MAPK10: variants seen among roughly 807,000 people sequenced by gnomAD.
MAPK10 encodes the protein JNK3 alpha protein kinase.
MAPK10 carries 25 observed loss-of-function variants against 59.3 expected under a neutral mutation model. The observed-to-expected ratio is 0.42, with a 90% CI of 0.31 to 0.59. The LOEUF (loss-of-function observed/expected upper bound fraction) is 0.59. MAPK10 is among the 20% of genes least tolerant of loss of function. MAPK10 has a pLI of 0.15. For missense variants in MAPK10, 351 were observed against 568.9 expected (o/e 0.62, Z 3.90); for synonymous variants, 190 against 200.5 (o/e 0.95, Z 0.44).
At chr4:86,186,492 T>G (rs148831526) in intron 3 of MAPK10, among the ~76,000 whole-genome samples, 4,600 of 152,274 alleles carry the variant, frequency 0.03, 93 homozygotes, top group South Asian at 0.041. Context: ...CAATGTTTTG[T>G]TTCCTTTTAT....
At chr4:86,348,078 A>T (rs1027082205) in intron 2 of MAPK10, among the ~76,000 whole-genome samples, 1 of 152,160 alleles carries the variant, frequency 6.6e-6, no homozygotes, top group Non-Finnish European at 1.5e-5. Flanking sequence ...CAAATCTGTT[A>T]TGCTAATTTC....
intron 1 of MAPK10, among the ~76,000 whole-genome samples, chr4:86,552,932 G>T (rs1373338630): frequency 6.6e-6 from 1 of 152,116 alleles, no homozygotes; most frequent in East Asian, 1.9e-4. Context: ...CATGAGACTT[G>T]TAGGGGCATG....
At chr4:86,425,771 G>T (rs181036534) in intron 1 of MAPK10, among the ~76,000 whole-genome samples, 1 of 152,202 alleles carries the variant, frequency 6.6e-6, no homozygotes. Context: ...CCAGGAGTTC[G>T]AGAGCAGCCT....
intron 1 of MAPK10, among the ~76,000 whole-genome samples, chr4:86,496,465 G>T (rs955782885): frequency 6.6e-6 from 1 of 152,034 alleles, no homozygotes; most frequent in African/African-American, 2.4e-5. Flanking sequence ...TTTTGTATTT[G>T]GAATCTGCCT....
At chr4:86,399,044 T>G (rs1743342571) in intron 1 of MAPK10, among the ~76,000 whole-genome samples, 1 of 152,228 alleles carries the variant, frequency 6.6e-6, no homozygotes, top group Admixed American at 6.5e-5. Flanking sequence ...TTTGCTATTG[T>G]GGATACTGCT....
intron 2 of MAPK10, among the ~76,000 whole-genome samples, chr4:86,319,399 C>T (rs1271849795): frequency 6.6e-6 from 1 of 152,154 alleles, no homozygotes; most frequent in Non-Finnish European, 1.5e-5. Context: ...TTCTCCATTT[C>T]AGAAAATTCA....
At chr4:86,583,528 T>C (rs1021269942) in intron 1 of MAPK10, among the ~76,000 whole-genome samples, 2 of 152,210 alleles carry the variant, frequency 1.3e-5, no homozygotes, top group Non-Finnish European at 2.9e-5. Flanking sequence ...TTTTCCATCA[T>C]TCTTTTTCGG....
At chr4:86,070,457 T>C (rs922911046) in intron 9 of MAPK10, among the ~76,000 whole-genome samples, 1 of 151,490 alleles carries the variant, frequency 6.6e-6, no homozygotes, top group African/African-American at 2.4e-5. Context: ...TAGTTACATA[T>C]GTATACATGT....
At chr4:86,523,552 C>T (rs190645096) in intron 1 of MAPK10, among the ~76,000 whole-genome samples, 39 of 152,332 alleles carry the variant, frequency 2.6e-4, no homozygotes, top group African/African-American at 6.3e-4. Flanking sequence ...CTGTTATACT[C>T]GGATTTACAT....
chr4:86,171,182 A>T (rs1004940056), intron 3 of MAPK10: 1 of 151,776 alleles, frequency 6.6e-6, no homozygotes, highest in Non-Finnish European at 1.5e-5. Context: ...AGCAAGAGCA[A>T]ACACATTCAA....
At chr4:86,535,449 C>G (rs374436639) in intron 1 of MAPK10, among the ~76,000 whole-genome samples, 5 of 152,244 alleles carry the variant, frequency 3.3e-5, no homozygotes, top group Admixed American at 2.0e-4. Context: ...TCTGTCATCC[C>G]AGCTGGACTG....
At chr4:86,366,391 A>T (rs1256235369) in intron 1 of MAPK10, among the ~76,000 whole-genome samples, 1 of 152,178 alleles carries the variant, frequency 6.6e-6, no homozygotes, top group South Asian at 2.1e-4. Flanking sequence ...TGTGCATTTC[A>T]CTCTATGTAA....
chr4:86,480,048 T>C (rs1348400903), intron 1 of MAPK10, among the ~76,000 whole-genome samples: 2 of 152,122 alleles, frequency 1.3e-5, no homozygotes, highest in Non-Finnish European at 2.9e-5. Flanking sequence ...TTCTTACTAA[T>C]ATAAGAAGAC....
At chr4:86,433,857 A>G (rs889131754) in intron 1 of MAPK10, among the ~76,000 whole-genome samples, 2 of 152,168 alleles carry the variant, frequency 1.3e-5, no homozygotes, top group Non-Finnish European at 2.9e-5. Flanking sequence ...TGAATGAGCC[A>G]TGAAATCAAT....
intron 1 of MAPK10, among the ~76,000 whole-genome samples, chr4:86,391,656 T>A (rs1742201574): frequency 6.6e-6 from 1 of 152,158 alleles, no homozygotes; most frequent in Non-Finnish European, 1.5e-5. Context: ...GGACATGAAA[T>A]TCCTGCATTG....
intron 1 of MAPK10, among the ~76,000 whole-genome samples, chr4:86,522,740 C>T (rs1757208879): frequency 6.6e-6 from 1 of 152,294 alleles, no homozygotes; most frequent in South Asian, 2.1e-4. Flanking sequence ...TGAGAAGCTA[C>T]ACATAGATCC....
chr4:86,491,436 C>A (rs1041772876), intron 1 of MAPK10, among the ~76,000 whole-genome samples: 1 of 152,192 alleles, frequency 6.6e-6, no homozygotes, highest in Non-Finnish European at 1.5e-5. Context: ...ATGACCCCAA[C>A]CCCAGTTCTG....
intron 2 of MAPK10, among the ~76,000 whole-genome samples, chr4:86,223,916 G>T (rs1428611540): frequency 6.6e-6 from 1 of 152,134 alleles, no homozygotes; most frequent in East Asian, 1.9e-4. Context: ...TAAATAATGT[G>T]CCTTTCATAC....
intron 9 of MAPK10, among the ~76,000 whole-genome samples, chr4:86,086,123 G>A (rs1488499225): frequency 2.0e-5 from 3 of 152,028 alleles, no homozygotes; most frequent in African/African-American, 7.2e-5. Context: ...CACGGTACAC[G>A]TTTACCTGTG....
Sources: gnomAD v4.1 joint callset for allele counts (sites outside exome capture counted in the v4.1 genomes callset) on GRCh38, gnomAD v4.1.1 for gene constraint, MANE v1.5 for transcripts, NCBI Gene and HGNC (gene_info 2026-07-23, HGNC 2026-07-21) for gene names.